The following HCN1 variants were observed in gnomAD, a reference collection of about 807,000 sequenced individuals.
HCN1 encodes the protein hyperpolarization activated cyclic nucleotide gated potassium channel 1, also known as potassium/sodium hyperpolarization-activated cyclic nucleotide-gated channel 1.
A neutral mutation model predicts 78.9 loss-of-function variants in HCN1; 13 were observed. The observed-to-expected ratio is 0.16, with a 90% CI of 0.11 to 0.26. The LOEUF (loss-of-function observed/expected upper bound fraction) is 0.26. Ranked by LOEUF, HCN1 falls within the 10% of genes least tolerant of loss-of-function variation. The probability of loss-of-function intolerance (pLI) is 1.00; values close to 1 mark genes in which losing one functional copy is unlikely to be tolerated. For synonymous variants in HCN1, 552 were observed against 455.5 expected, an observed-to-expected ratio of 1.21 and a Z score of -2.70; for missense variants, 810 against 1,154.3, an observed-to-expected ratio of 0.70 and a Z score of 4.32.
chr5:45,373,941 G>T (rs966407391), intron 4 of HCN1, among the ~76,000 whole-genome samples: 9 of 90,298 alleles, frequency 1.0e-4, no homozygotes, highest in Non-Finnish European at 2.0e-4. Flanking sequence ...TATTACATAC[G>T]GTATATACAT....
At chr5:45,375,274 A>C (rs1309288113) in intron 4 of HCN1, among the ~76,000 whole-genome samples, 1 of 119,218 alleles carries the variant, frequency 8.4e-6, no homozygotes. Flanking sequence ...TATAATATAT[A>C]ATATATTATA....
At chr5:45,563,705 T>C (rs1163324656) in intron 2 of HCN1, among the ~76,000 whole-genome samples, 4 of 152,004 alleles carry the variant, frequency 2.6e-5, no homozygotes, top group African/African-American at 9.7e-5. Context: ...GTTAAATTTA[T>C]TCAACCTCTT....
chr5:45,678,260 G>A (rs1246435680), intron 1 of HCN1, among the ~76,000 whole-genome samples: 10 of 151,934 alleles, frequency 6.6e-5, no homozygotes, highest in Non-Finnish European at 1.5e-5. Context: ...GAGGTACAAC[G>A]GTACCATAGT....
intron 1 of HCN1, among the ~76,000 whole-genome samples, chr5:45,651,528 A>T (rs1745675790): frequency 6.6e-6 from 1 of 152,002 alleles, no homozygotes; most frequent in Admixed American, 6.6e-5. Context: ...ACCCAGCTAG[A>T]TTTAATTTTT....
At position 45,257,964 on chromosome 5, in the gene HCN1, T is replaced by TTTTTTTTTTTTTTTTTTTTTTGAGACGG. The variant is rs1561077069; in HGVS notation, c.*3956_*3957insCCGTCTCAAAAAAAAAAAAAAAAAAAAA. 1.3e-5 allele frequency: 2 copies of TTTTTTTTTTTTTTTTTTTTTTGAGACGG among 151,932 alleles called. No homozygotes were observed. The highest frequency in any genetic ancestry group is 4.9e-5 in the African/African-American group (2 of 41,220). 9.4% of individuals were successfully genotyped at this position (151,932 alleles called of 1,614,324 possible). ...CCCATGGTACAGTATGAGTACTTTT[T>TTTTTTTTTTTTTTTTTTTTTTGAGACGG]AAAGTAGGTGAACATAAAATAAAAG... On this transcript the variant is annotated 3_prime_UTR_variant, in exon 8 of 8. Coordinates refer to ENST00000303230, the MANE Select transcript of HCN1 (RefSeq NM_021072.4).
intron 2 of HCN1, chr5:45,558,903 C>T (rs1398903324): frequency 2.0e-5 from 3 of 151,008 alleles, no homozygotes; most frequent in Non-Finnish European, 4.4e-5. Flanking sequence ...TAGGTACATA[C>T]CACCACATCC....
chr5:45,279,287 C>T (rs1053917090), intron 6 of HCN1, among the ~76,000 whole-genome samples: 4 of 152,136 alleles, frequency 2.6e-5, no homozygotes, highest in African/African-American at 7.2e-5. Flanking sequence ...GAAATCCTCC[C>T]ACCAAGGGGT....
chr5:45,669,265 A>G (rs185584316), intron 1 of HCN1, among the ~76,000 whole-genome samples: 2 of 151,962 alleles, frequency 1.3e-5, no homozygotes, highest in East Asian at 3.9e-4. Context: ...TGAGAGAAAA[A>G]TTAGTAAGAT....
At chr5:45,529,500 G>A (rs1347761182) in intron 2 of HCN1, among the ~76,000 whole-genome samples, 1 of 151,914 alleles carries the variant, frequency 6.6e-6, no homozygotes, top group African/African-American at 2.4e-5. Context: ...ATATGTCAAA[G>A]TAATAAGGAA....
chr5:45,462,074 T>C (rs537534975), intron 2 of HCN1, 67 bp from the exon 3 acceptor site: 26 of 1,200,494 alleles, frequency 2.2e-5, no homozygotes, highest in Non-Finnish European at 2.8e-5. Flanking sequence ...ATACTACTGA[T>C]AGTAGGCATT....
At chr5:45,477,310 T>C (rs762023334) in intron 2 of HCN1, among the ~76,000 whole-genome samples, 2 of 152,126 alleles carry the variant, frequency 1.3e-5, no homozygotes, top group African/African-American at 4.8e-5. Flanking sequence ...TAAGTAAATA[T>C]TGAGGAAGAC....
chr5:45,581,967 T>C (rs1744086711), intron 2 of HCN1, among the ~76,000 whole-genome samples: 1 of 152,244 alleles, frequency 6.6e-6, no homozygotes, highest in Non-Finnish European at 1.5e-5. Context: ...TGCCTCCAGC[T>C]TTGTTCATTT....
intron 5 of HCN1, among the ~76,000 whole-genome samples, chr5:45,338,513 T>A (rs569074736): frequency 6.6e-6 from 1 of 152,266 alleles, no homozygotes; most frequent in South Asian, 2.1e-4. Flanking sequence ...ACAAAATACA[T>A]ATCAAATAAT....
intron 2 of HCN1, among the ~76,000 whole-genome samples, chr5:45,542,411 T>A (rs2111831194): frequency 6.6e-6 from 1 of 152,276 alleles, no homozygotes; most frequent in African/African-American, 2.4e-5. Context: ...ATGTCAGAAT[T>A]TTTTTTCTGG....
intron 5 of HCN1, among the ~76,000 whole-genome samples, chr5:45,309,216 T>C (rs2111913572): frequency 6.6e-6 from 1 of 152,260 alleles, no homozygotes; most frequent in Non-Finnish European, 1.5e-5. Context: ...TACATTGATT[T>C]TGTATCCTGA....
chr5:45,380,661 A>G (rs1451386941), intron 4 of HCN1, among the ~76,000 whole-genome samples: 1 of 152,132 alleles, frequency 6.6e-6, no homozygotes, highest in Non-Finnish European at 1.5e-5. Context: ...CTTCATGGCC[A>G]TGACACCTAA....
chr5:45,517,396 A>G (rs1231483648), intron 2 of HCN1, among the ~76,000 whole-genome samples: 2 of 151,786 alleles, frequency 1.3e-5, no homozygotes, highest in African/African-American at 4.8e-5. Context: ...ACACATATGC[A>G]TGTATAAATA....
At chr5:45,345,267 T>C (rs1340351851) in intron 5 of HCN1, among the ~76,000 whole-genome samples, 1 of 152,062 alleles carries the variant, frequency 6.6e-6, no homozygotes, top group Admixed American at 6.6e-5. Context: ...CATGAAACTA[T>C]TTTTTCCCCC....
At chr5:45,313,472 A>T (rs560367920) in intron 5 of HCN1, among the ~76,000 whole-genome samples, 1 of 152,362 alleles carries the variant, frequency 6.6e-6, no homozygotes, top group Non-Finnish European at 1.5e-5. Flanking sequence ...CTCCTCCTCC[A>T]AAGGAATGCA....
Sources: gnomAD v4.1 joint callset for allele counts (sites outside exome capture counted in the v4.1 genomes callset) on GRCh38, gnomAD v4.1.1 for gene constraint, MANE v1.5 for transcripts, NCBI Gene and HGNC (gene_info 2026-07-23, HGNC 2026-07-21) for gene names.